The following BBOX1 variants were observed in gnomAD, a reference collection of about 807,000 sequenced individuals.
BBOX1 encodes gamma-butyrobetaine dioxygenase.
A neutral mutation model predicts 41.6 loss-of-function variants in BBOX1; 35 were observed. That is an observed-to-expected ratio of 0.84 (90% CI 0.64 to 1.11). The LOEUF (loss-of-function observed/expected upper bound fraction) is 1.11. Ranked by LOEUF, BBOX1 falls within the 50% of genes most tolerant of loss-of-function variation. The pLI is 0.00. For missense variants in BBOX1, 458 were observed against 460.6 expected (o/e 0.99, Z 0.05); for synonymous variants, 163 against 154.7 (o/e 1.05, Z -0.40).
At chr11:27,107,204 CA>C (rs1371821299) in intron 5 of BBOX1, among the ~76,000 whole-genome samples, 1 of 152,052 alleles carries the variant, frequency 6.6e-6, no homozygotes, top group Admixed American at 6.6e-5. Flanking sequence ...CAAACACATT[CA>C]AAAGCTAGCA....
chr11:27,068,495 A>T (rs1353999072), intron 4 of BBOX1, among the ~76,000 whole-genome samples: 1 of 151,530 alleles, frequency 6.6e-6, no homozygotes, highest in Non-Finnish European at 1.5e-5. Flanking sequence ...GATAGTTTGC[A>T]AATATTTTCT....
intron 2 of BBOX1, among the ~76,000 whole-genome samples, chr11:27,041,901 C>T (rs1851355836): frequency 1.3e-5 from 2 of 152,080 alleles, no homozygotes; most frequent in African/African-American, 4.8e-5. Context: ...AATCCACAAC[C>T]CATCCCAAAG....
chr11:27,108,055 G>C (rs187038937), intron 5 of BBOX1, among the ~76,000 whole-genome samples: 1 of 152,178 alleles, frequency 6.6e-6, no homozygotes, highest in Admixed American at 6.6e-5. Context: ...AATATGTGAA[G>C]ATAGACTTTT....
chr11:27,104,209 G>A (rs138889506), intron 5 of BBOX1, among the ~76,000 whole-genome samples: 8 of 152,094 alleles, frequency 5.3e-5, no homozygotes, highest in South Asian at 2.1e-4. Context: ...AATCCCCTCC[G>A]AAGTTTAACC....
At chr11:27,063,816 A>G (rs7937175) in intron 4 of BBOX1, among the ~76,000 whole-genome samples, 11,361 of 152,160 alleles carry the variant, frequency 0.075, 1,372 homozygotes, top group African/African-American at 0.26. Flanking sequence ...AAACTCACAA[A>G]TAACTGTTAG....
intron 4 of BBOX1, among the ~76,000 whole-genome samples, chr11:27,066,031 C>A (rs1857269468): frequency 6.6e-6 from 1 of 152,052 alleles, no homozygotes; most frequent in Non-Finnish European, 1.5e-5. Context: ...AGTTTAGTTG[C>A]CACATTGAGA....
intron 4 of BBOX1, among the ~76,000 whole-genome samples, chr11:27,072,870 G>A (rs1457398806): frequency 1.3e-5 from 2 of 151,398 alleles, no homozygotes; most frequent in African/African-American, 2.4e-5. Context: ...CTAGCCATAT[G>A]CTGAAACTGT....
At chr11:27,052,545 C>T (rs1237599065) in intron 2 of BBOX1, among the ~76,000 whole-genome samples, 4 of 152,038 alleles carry the variant, frequency 2.6e-5, no homozygotes, top group Admixed American at 6.6e-5. Context: ...CATTTCCCCT[C>T]ATAGCCTTTT....
intron 4 of BBOX1, among the ~76,000 whole-genome samples, chr11:27,061,521 A>G (rs1007580736): frequency 6.6e-6 from 1 of 152,230 alleles, no homozygotes; most frequent in African/African-American, 2.4e-5. Context: ...ACCTTATTTC[A>G]TTGCCATTGC....
chr11:27,102,396 A>C (rs922644908), intron 5 of BBOX1, among the ~76,000 whole-genome samples: 5 of 152,140 alleles, frequency 3.3e-5, no homozygotes, highest in Admixed American at 6.5e-5. Flanking sequence ...AAACACCCTT[A>C]AACACCAGCC....
Position 27,055,325 on chromosome 11 carries a change from T to G in BBOX1, c.-38-68T>G. 3 of 1,113,784 alleles carry G rather than the reference T, an allele frequency of 2.7e-6. No individual in the cohort carries two copies. In the Admixed American group the frequency reaches 6.3e-5, roughly 23 times the overall value. 69.0% of individuals were successfully genotyped at this position (1,113,784 alleles called of 1,614,324 possible). On this transcript the variant is annotated intron_variant, in intron 2 of 8. Transcript: ENST00000263182. The stretch of plus-strand genomic sequence containing the variant: ...AGAGGCCAGAGTCCACTTGAAGTGT[T>G]CACACTCTCAGAGGCCAAGTTTAGA...
intron 2 of BBOX1, among the ~76,000 whole-genome samples, chr11:27,046,918 A>ATGTTTTTTT (rs10684089): frequency 6.7e-6 from 1 of 148,526 alleles, no homozygotes; most frequent in Non-Finnish European, 1.5e-5. Context: ...ATGATCTGCA[A>ATGTTTTTTT]TTTTTTTTTT....
intron 4 of BBOX1, among the ~76,000 whole-genome samples, chr11:27,065,541 C>T (rs1442935): frequency 0.32 from 49,257 of 151,984 alleles, 8,183 homozygotes; most frequent in East Asian, 0.45. Context: ...CACTGCAGTG[C>T]CCTGTGCTTT....
chr11:27,112,258 T>C (rs4328173), intron 5 of BBOX1, among the ~76,000 whole-genome samples: 23,935 of 151,866 alleles, frequency 0.16, 2,217 homozygotes, highest in Middle Eastern at 0.24. Context: ...TTAAACACAG[T>C]GTCCTTGGAT....
At chr11:27,055,329 A>C in intron 2 of BBOX1, 64 bp from the exon 3 acceptor site, 1 of 1,175,350 alleles carries the variant, frequency 8.5e-7, no homozygotes, top group Non-Finnish European at 1.2e-6. Context: ...AAGTGTTCAC[A>C]CTCTCAGAGG....
chr11:27,060,685 C>G (rs1016000873), intron 4 of BBOX1, among the ~76,000 whole-genome samples: 1 of 152,172 alleles, frequency 6.6e-6, no homozygotes, highest in African/African-American at 2.4e-5. Context: ...AATAGGTTCA[C>G]CATTTCTTCT....
chr11:27,090,082 C>T (rs912947849), intron 4 of BBOX1, among the ~76,000 whole-genome samples: 1 of 151,914 alleles, frequency 6.6e-6, no homozygotes, highest in Non-Finnish European at 1.5e-5. Flanking sequence ...GAAATCAATC[C>T]CGTTTTCTTT....
intron 5 of BBOX1, among the ~76,000 whole-genome samples, chr11:27,101,912 T>A (rs1858675390): frequency 6.6e-6 from 1 of 152,124 alleles, no homozygotes; most frequent in Admixed American, 6.6e-5. Context: ...TCAACTATTG[T>A]CACCATGCTG....
intron 5 of BBOX1, among the ~76,000 whole-genome samples, chr11:27,113,475 A>C (rs1859151559): frequency 1.3e-5 from 2 of 151,954 alleles, no homozygotes; most frequent in South Asian, 4.1e-4. Context: ...ATACAGCTAT[A>C]TGAAACAACA....
Sources: allele counts gnomAD v4.1 joint callset (sites outside exome capture counted in the v4.1 genomes callset), GRCh38; gene constraint gnomAD v4.1.1; transcripts MANE v1.5; gene names NCBI Gene and HGNC (gene_info 2026-07-23, HGNC 2026-07-21).